Variants in PDZD2 observed in about 807,000 individuals in gnomAD.
The protein encoded by PDZD2 is PDZ domain-containing protein 2.
Under a neutral mutation model 220.7 loss-of-function variants are expected in PDZD2, and 90 were observed. That is an observed-to-expected ratio of 0.41 (90% CI 0.34 to 0.49). The LOEUF (loss-of-function observed/expected upper bound fraction) is 0.49, where lower values mean the gene tolerates loss of function less well. Ranked by LOEUF, PDZD2 falls within the 20% of genes least tolerant of loss-of-function variation. The pLI is 0.28. For synonymous variants in PDZD2, 1,375 were observed against 1,450.5 expected (o/e 0.95, Z 1.18); for missense variants, 3,174 against 3,608.5 (o/e 0.88, Z 3.08).
At chr5:32,095,709 G>A (rs1293362057) in intron 21 of PDZD2, among the ~76,000 whole-genome samples, 1 of 140,460 alleles carries the variant, frequency 7.1e-6, no homozygotes, top group Non-Finnish European at 1.6e-5. Flanking sequence ...AATGCAGGAG[G>A]GCCTCATTTT....
chr5:31,951,282 G>A (rs1284425623), intron 2 of PDZD2, among the ~76,000 whole-genome samples: 2 of 152,022 alleles, frequency 1.3e-5, no homozygotes. Context: ...TGCCCAGAAT[G>A]AACTCAAACT....
chr5:31,788,443 A>G (rs1012233902), intron 1 of PDZD2, among the ~76,000 whole-genome samples: 2 of 152,214 alleles, frequency 1.3e-5, no homozygotes, highest in Non-Finnish European at 2.9e-5. Context: ...AGGCGGGCGG[A>G]TCACGAGTTC....
At chr5:32,040,449 G>A (rs1755981394) in intron 7 of PDZD2, among the ~76,000 whole-genome samples, 1 of 145,804 alleles carries the variant, frequency 6.9e-6, no homozygotes, top group African/African-American at 2.6e-5. Flanking sequence ...CCCATCGTCT[G>A]CGATGTGAGG....
At chr5:31,854,432 A>G (rs1041660041) in intron 2 of PDZD2, among the ~76,000 whole-genome samples, 6 of 152,078 alleles carry the variant, frequency 3.9e-5, no homozygotes, top group African/African-American at 7.2e-5. Context: ...AACTTTGGTT[A>G]CTCCAGCCGA....
intron 2 of PDZD2, among the ~76,000 whole-genome samples, chr5:31,833,155 T>C (rs1756719834): frequency 6.6e-6 from 1 of 152,086 alleles, no homozygotes; most frequent in Non-Finnish European, 1.5e-5. Flanking sequence ...GTTGCTAATA[T>C]CTTAAAAGTG....
intron 1 of PDZD2, among the ~76,000 whole-genome samples, chr5:31,705,388 T>A (rs1024202871): frequency 6.6e-6 from 1 of 152,198 alleles, no homozygotes; most frequent in African/African-American, 2.4e-5. Context: ...GAGAAAATCC[T>A]TGCATTTTCT....
At chr5:31,746,874 T>C (rs1750632816) in intron 1 of PDZD2, among the ~76,000 whole-genome samples, 1 of 152,226 alleles carries the variant, frequency 6.6e-6, no homozygotes, top group South Asian at 2.1e-4. Flanking sequence ...TTTTATTTCA[T>C]ATAAGTTTTG....
At chr5:31,720,638 A>G (rs1748733616) in intron 1 of PDZD2, among the ~76,000 whole-genome samples, 1 of 152,232 alleles carries the variant, frequency 6.6e-6, no homozygotes, top group African/African-American at 2.4e-5. Flanking sequence ...ACCGCCATGA[A>G]GAAATATGAT....
intron 6 of PDZD2, among the ~76,000 whole-genome samples, chr5:32,031,396 G>T (rs777531912): frequency 1.1e-3 from 162 of 152,266 alleles, no homozygotes; most frequent in Non-Finnish European, 9.6e-4. Flanking sequence ...AGGGACCAGA[G>T]CATGTTTTCA....
chr5:31,845,535 G>A (rs1017937445), intron 2 of PDZD2, among the ~76,000 whole-genome samples: 2 of 152,338 alleles, frequency 1.3e-5, no homozygotes, highest in South Asian at 2.1e-4. Flanking sequence ...GTCAGGGAAC[G>A]TGTCCTGCAC....
intron 1 of PDZD2, among the ~76,000 whole-genome samples, chr5:31,662,836 TAGCCAGGATGGTCTTGATCTCCTG>T (rs1174010545): frequency 1.7e-4 from 26 of 152,356 alleles, no homozygotes; most frequent in Admixed American, 8.5e-4. Context: ...TTCACCGTGT[TAGCCAGGATGGTCTTGATCTCCTG>T]ACCTTGTGAT....
chr5:31,781,483 G>T (rs1217117070), intron 1 of PDZD2, among the ~76,000 whole-genome samples: 4 of 152,096 alleles, frequency 2.6e-5, no homozygotes, highest in African/African-American at 7.2e-5. Context: ...GGAAGTGGTG[G>T]GTATACAGTG....
chr5:31,983,792 T>C (rs1036750629), intron 3 of PDZD2, 136 bp downstream of exon 3: 7 of 886,938 alleles, frequency 7.9e-6, no homozygotes, highest in Non-Finnish European at 1.2e-5. Context: ...TTGAAGTTGC[T>C]TTTAAGGTTT....
intron 2 of PDZD2, among the ~76,000 whole-genome samples, chr5:31,873,523 T>G (rs1332726498): frequency 1.3e-5 from 2 of 150,094 alleles, no homozygotes; most frequent in African/African-American, 2.4e-5. Flanking sequence ...GCTAGAAGAT[T>G]GAAAATTCTT....
At chr5:31,727,435 G>A (rs886795450) in intron 1 of PDZD2, among the ~76,000 whole-genome samples, 5 of 152,190 alleles carry the variant, frequency 3.3e-5, no homozygotes, top group African/African-American at 9.7e-5. Context: ...GGCCGGGCGC[G>A]GTGGCTCACG....
At chr5:31,770,434 G>C (rs1438201865) in intron 1 of PDZD2, among the ~76,000 whole-genome samples, 1 of 152,216 alleles carries the variant, frequency 6.6e-6, no homozygotes, top group Non-Finnish European at 1.5e-5. Flanking sequence ...AGAGTATTTG[G>C]AGGGCTTGTC....
intron 2 of PDZD2, among the ~76,000 whole-genome samples, chr5:31,883,396 T>G (rs575383891): frequency 3.3e-5 from 5 of 151,610 alleles, no homozygotes; most frequent in African/African-American, 1.2e-4. Context: ...AGTTTTTGTA[T>G]TTTTAGTAGA....
chr5:32,109,300 A>ACTT lies in PDZD2; in HGVS notation c.*1166_*1168dup, dbSNP rs1745135075. On this transcript the variant is annotated 3_prime_UTR_variant, in exon 25 of 25. Transcript: ENST00000438447. ...ACCTAGTATAATGACAACTGCAGTG[A>ACTT]CTTAAGTTTTTGCTGTTTTCGTTTT... The ACTT allele has an allele frequency of 6.6e-6, 1 of 151,928 alleles. No homozygotes were observed. The highest frequency in any genetic ancestry group is 1.5e-5 in the Non-Finnish European group (1 of 68,026). 9.4% of individuals were successfully genotyped at this position (151,928 alleles called of 1,614,324 possible).
At chr5:31,711,666 T>A (rs1319997286) in intron 1 of PDZD2, among the ~76,000 whole-genome samples, 1 of 152,144 alleles carries the variant, frequency 6.6e-6, no homozygotes, top group Non-Finnish European at 1.5e-5. Flanking sequence ...TCGACAAGCC[T>A]CAGTTTCCTC....
Sources: allele counts gnomAD v4.1 joint callset (sites outside exome capture counted in the v4.1 genomes callset), GRCh38; gene constraint gnomAD v4.1.1; transcripts MANE v1.5; gene names NCBI Gene and HGNC (gene_info 2026-07-23, HGNC 2026-07-21).